PRR5L: variants seen among roughly 807,000 people sequenced by gnomAD.
The protein encoded by PRR5L is proline-rich protein 5-like.
A neutral mutation model predicts 36.4 loss-of-function variants in PRR5L; 21 were observed. The observed-to-expected ratio is 0.58, with a 90% CI of 0.41 to 0.83. The LOEUF (loss-of-function observed/expected upper bound fraction) is 0.83, where lower values mean the gene tolerates loss of function less well. Ranked by LOEUF, PRR5L falls within the 40% of genes least tolerant of loss-of-function variation. The pLI is 0.00. For synonymous variants in PRR5L, 188 were observed against 197.0 expected, an observed-to-expected ratio of 0.95 and a Z score of 0.38; for missense variants, 381 against 473.3, an observed-to-expected ratio of 0.80 and a Z score of 1.81.
intron 1 of PRR5L, among the ~76,000 whole-genome samples, chr11:36,397,634 T>C (rs535042448): frequency 1.3e-5 from 2 of 151,560 alleles, no homozygotes; most frequent in Non-Finnish European, 2.9e-5. Context: ...TTTTTGTACT[T>C]TTAATAGAGA....
chr11:36,422,944 G>A (rs1019299193), intron 4 of PRR5L, among the ~76,000 whole-genome samples: 1 of 152,114 alleles, frequency 6.6e-6, no homozygotes, highest in Admixed American at 6.5e-5. Context: ...GATATGAAAC[G>A]TTCTGGATTT....
chr11:36,312,321 G>C (rs975097798), intron 1 of PRR5L, among the ~76,000 whole-genome samples: 21 of 152,170 alleles, frequency 1.4e-4, no homozygotes, highest in Middle Eastern at 3.2e-3. Context: ...GAAAAAAGGT[G>C]GGGGAAGAAA....
intron 1 of PRR5L, among the ~76,000 whole-genome samples, chr11:36,374,751 G>A (rs980941458): frequency 5.3e-5 from 8 of 152,160 alleles, no homozygotes; most frequent in African/African-American, 1.9e-4. Flanking sequence ...GCCACCCTAA[G>A]ACAGAGCTAC....
At chr11:36,401,606 T>A (rs7952256) in intron 2 of PRR5L, among the ~76,000 whole-genome samples, 2,184 of 151,762 alleles carry the variant, frequency 0.014, 51 homozygotes, top group African/African-American at 0.05. Flanking sequence ...AAAAGCAATT[T>A]TTTTTTAAAG....
chr11:36,303,794 C>A (rs572823598), intron 1 of PRR5L, among the ~76,000 whole-genome samples: 2 of 152,150 alleles, frequency 1.3e-5, no homozygotes, highest in Admixed American at 1.3e-4. Context: ...AACAATAGAA[C>A]GAACAATACA....
intron 1 of PRR5L, among the ~76,000 whole-genome samples, chr11:36,342,679 G>A (rs1856828690): frequency 1.3e-5 from 2 of 152,148 alleles, no homozygotes; most frequent in South Asian, 4.2e-4. Flanking sequence ...TTGGAAACGG[G>A]TGGGATGGGG....
At chr11:36,411,990 C>T (rs72952007) in intron 3 of PRR5L, among the ~76,000 whole-genome samples, 5 of 152,244 alleles carry the variant, frequency 3.3e-5, no homozygotes, top group African/African-American at 9.6e-5. Flanking sequence ...GGCCAGGCAG[C>T]GTTCTAGCAA....
At chr11:36,432,301 G>A (rs1858517057) in intron 5 of PRR5L, among the ~76,000 whole-genome samples, 1 of 152,080 alleles carries the variant, frequency 6.6e-6, no homozygotes, top group South Asian at 2.1e-4. Flanking sequence ...ACAGGCCTTT[G>A]TAATATTTCT....
intron 6 of PRR5L, among the ~76,000 whole-genome samples, chr11:36,443,452 C>A (rs890934533): frequency 6.6e-6 from 1 of 152,140 alleles, no homozygotes; most frequent in Non-Finnish European, 1.5e-5. Flanking sequence ...ATGTCACTGA[C>A]CTGGGTTCAC....
intron 1 of PRR5L, among the ~76,000 whole-genome samples, chr11:36,364,724 A>G (rs1857126890): frequency 6.6e-6 from 1 of 152,210 alleles, no homozygotes; most frequent in South Asian, 2.1e-4. Flanking sequence ...GCCAGCTCCT[A>G]GAGGCTGGCT....
intron 1 of PRR5L, among the ~76,000 whole-genome samples, chr11:36,384,199 A>G (rs1857418114): frequency 6.6e-6 from 1 of 152,186 alleles, no homozygotes; most frequent in Non-Finnish European, 1.5e-5. Flanking sequence ...TCCAGTCTCC[A>G]GGCCCCATAT....
At position 36,401,151 on chromosome 11, in the gene PRR5L, C is replaced by G; in HGVS notation, c.30C>G (p.Pro10=). ...CCCGCGGCTTCGCTCCCATTCTGCCCGTCGAGTTCCACAAGATGGGCTCCT... is the reference window on the plus strand; with the variant it reads ...CCCGCGGCTTCGCTCCCATTCTGCCGGTCGAGTTCCACAAGATGGGCTCCT... The part of the protein sequence containing the change: MTRGFAPIL[P]VEFHKMGSFR... The change falls in exon 2 of 9, where the codon CCC becomes CCG. Residue 10 remains proline, a synonymous_variant. Coordinates refer to ENST00000530639, the MANE Select transcript of PRR5L (RefSeq NM_001160167.2). The G allele has an allele frequency of 1.2e-6, 2 of 1,614,066 alleles. No individual in the cohort carries two copies. The highest frequency in any genetic ancestry group is 2.2e-5 in the South Asian group (2 of 91,072).
chr11:36,406,697 T>C (rs550249064), intron 3 of PRR5L, among the ~76,000 whole-genome samples: 10 of 152,332 alleles, frequency 6.6e-5, no homozygotes, highest in African/African-American at 2.4e-4. Flanking sequence ...CAACTCAACA[T>C]GGTTGAGGCA....
At chr11:36,459,593 A>G (rs1859136618) in intron 8 of PRR5L, among the ~76,000 whole-genome samples, 1 of 151,650 alleles carries the variant, frequency 6.6e-6, no homozygotes, top group African/African-American at 2.4e-5. Context: ...AAGTTATTTA[A>G]CCTCTCTGTG....
chr11:36,350,662 A>G (rs561335435), intron 1 of PRR5L, among the ~76,000 whole-genome samples: 16 of 151,624 alleles, frequency 1.1e-4, no homozygotes, highest in African/African-American at 3.9e-4. Flanking sequence ...ACTGTACCCA[A>G]TGTGTATAGT....
At chr11:36,459,686 T>A (rs1031709428) in intron 8 of PRR5L, among the ~76,000 whole-genome samples, 1 of 152,244 alleles carries the variant, frequency 6.6e-6, no homozygotes, top group Non-Finnish European at 1.5e-5. Flanking sequence ...TATTCACAGA[T>A]ACAAGATGCT....
intron 8 of PRR5L, among the ~76,000 whole-genome samples, chr11:36,453,742 G>C (rs1216246475): frequency 6.6e-6 from 1 of 152,130 alleles, no homozygotes; most frequent in Non-Finnish European, 1.5e-5. Context: ...AAAGTACAGG[G>C]GCCACGGGTC....
intron 1 of PRR5L, among the ~76,000 whole-genome samples, chr11:36,303,529 C>A (rs1214526173): frequency 6.6e-6 from 1 of 152,192 alleles, no homozygotes; most frequent in African/African-American, 2.4e-5. Flanking sequence ...GTGCAACTTG[C>A]CATTTTCACT....
chr11:36,435,332 C>T (rs1453959984), intron 5 of PRR5L, among the ~76,000 whole-genome samples: 2 of 152,130 alleles, frequency 1.3e-5, no homozygotes, highest in Non-Finnish European at 2.9e-5. Context: ...ATCAGAAAAA[C>T]CATCACAGCA....
Sources: allele counts gnomAD v4.1 joint callset (sites outside exome capture counted in the v4.1 genomes callset), GRCh38; gene constraint gnomAD v4.1.1; transcripts MANE v1.5; gene names NCBI Gene and HGNC (gene_info 2026-07-23, HGNC 2026-07-21).